The following EAF2 variants were observed in gnomAD, a reference collection of about 807,000 sequenced individuals.
EAF2 encodes the protein ELL-associated factor 2.
Under a neutral mutation model 29.4 loss-of-function variants are expected in EAF2, and 29 were observed. The observed-to-expected ratio is 0.99, with a 90% CI of 0.73 to 1.35. The LOEUF (loss-of-function observed/expected upper bound fraction) is 1.35. Among genes scored for constraint, EAF2 ranks in the 40% most tolerant of loss-of-function variants. The pLI is 0.00. For missense variants in EAF2, 292 were observed against 312.0 expected (o/e 0.94, Z 0.48); for synonymous variants, 103 against 102.5 (o/e 1.00, Z -0.03).
In EAF2 at chr3:121,845,459, A is replaced by AAAAAAAAG. The variant is rs71133578; in HGVS notation, c.201+915_201+916insAAAAGAAA. 3.0e-3 allele frequency among the ~76,000 whole-genome samples: 285 copies of AAAAAAAAG among 96,486 alleles called. 4 individuals are homozygous for AAAAAAAAG. The highest frequency in any genetic ancestry group is 6.4e-3 in the Middle Eastern group (1 of 156). 63.3% of individuals were successfully genotyped at this position (96,486 alleles called of 152,430 possible). ...ACATCTCAAAAAAAAAAAAAAAAAA[A>AAAAAAAAG]AAAGAAAGAAAGAAAAAGAAAAAGA... On this transcript the variant is annotated intron_variant, in intron 2 of 5. Transcript: ENST00000273668.
intron 4 of EAF2, among the ~76,000 whole-genome samples, chr3:121,860,084 T>C (rs891878038): frequency 5.3e-5 from 8 of 152,238 alleles, no homozygotes; most frequent in Admixed American, 2.0e-4. Flanking sequence ...CAGTATTTTA[T>C]TGAGGATTTT....
chr3:121,873,033 C>T (rs760991436), intron 5 of EAF2: 3 of 726,378 alleles, frequency 4.1e-6, no homozygotes, highest in Admixed American at 2.0e-5. Context: ...TGATCCTCTG[C>T]TCAGTCATTA....
Position 121,872,599 on chromosome 3 carries a change from A to G in EAF2, c.547A>G (p.Lys183Glu), listed in dbSNP as rs753587719. ...MSSCDSSSDS[K>E]SSSSSSSEDS... is the part of the protein sequence containing the mutation. The stretch of plus-strand genomic sequence containing the variant: ...TAGTTGTGATAGTTCATCAGATTCC[A>G]AAAGTTCATCATCTTCAAGTAGTGA... Residue 183 changes from lysine (K) to glutamate (E), a missense_variant, in exon 5 of 6, where the codon AAA becomes GAA. Transcript: ENST00000273668. 3 of 1,612,868 alleles carry G rather than the reference A, an allele frequency of 1.9e-6. No homozygotes were observed. Among genetic ancestry groups the G allele is most frequent in the Non-Finnish European group, 1.7e-6 (2 of 1,179,130 alleles).
At chr3:121,844,612 T>C in intron 2 of EAF2, 65 bp downstream of exon 2, 1 of 1,093,858 alleles carries the variant, frequency 9.1e-7, no homozygotes, top group Non-Finnish European at 1.3e-6. Context: ...TAAATGAAAA[T>C]AATTGCACAA....
chr3:121,855,599 C>G (rs1057299757), intron 3 of EAF2, among the ~76,000 whole-genome samples: 4 of 152,126 alleles, frequency 2.6e-5, no homozygotes, highest in African/African-American at 9.7e-5. Flanking sequence ...GTGATTCACA[C>G]CAGAAGAAAG....
Position 121,872,600 on chromosome 3 carries a change from A to G in EAF2, c.548A>G (p.Lys183Arg). 6.2e-7 allele frequency: 1 copy of G among 1,612,862 alleles called. No homozygotes were observed. The highest frequency in any genetic ancestry group is 8.5e-7 in the Non-Finnish European group (1 of 1,179,122). Residue 183 changes from lysine to arginine, a missense_variant, in exon 5 of 6, where the codon AAA becomes AGA. Lys to Arg is a conservative substitution (Grantham distance 26). Transcript: ENST00000273668. ...MSSCDSSSDS[K>R]SSSSSSSEDS... ...AGTTGTGATAGTTCATCAGATTCCA[A>G]AAGTTCATCATCTTCAAGTAGTGAG... is the stretch of plus-strand genomic sequence containing the variant.
rs748754187 is a variant in EAF2 at position 121,844,434 on chromosome 3, T to A, written c.107-19T>A. ...TATCATTACATTTTACAAAAATTGG[T>A]ATTTGTATCTATTTTTAGATGACTT... On this transcript the variant is annotated intron_variant, in intron 1 of 5. Transcript: ENST00000273668. 2.1e-6 allele frequency: 3 copies of A among 1,453,402 alleles called. No individual in the cohort carries two copies. The African/African-American group carries it at 4.2e-5, about 21-fold the overall frequency. 90.0% of individuals were successfully genotyped at this position (1,453,402 alleles called of 1,614,324 possible). A position where few individuals can be genotyped will look rare whatever the true frequency, so the allele number is the denominator to read the frequency against.
intron 1 of EAF2, chr3:121,837,748 G>C (rs545049459): frequency 1.3e-5 from 2 of 152,276 alleles, no homozygotes; most frequent in South Asian, 4.1e-4. Flanking sequence ...GCATTTATCA[G>C]AGTTTAGCAA....
At chr3:121,850,641 C>T (rs17742642) in intron 2 of EAF2, among the ~76,000 whole-genome samples, 5,661 of 152,182 alleles carry the variant, frequency 0.037, 135 homozygotes, top group Non-Finnish European at 0.055. Flanking sequence ...ATCTTCATGT[C>T]AAGAATACTT....
intron 5 of EAF2, among the ~76,000 whole-genome samples, chr3:121,878,293 C>T (rs1412190286): frequency 1.3e-5 from 2 of 151,852 alleles, no homozygotes; most frequent in African/African-American, 2.4e-5. Flanking sequence ...ATACAATATA[C>T]ATATTTATGA....
At chr3:121,847,444 T>C (rs1468410045) in intron 2 of EAF2, among the ~76,000 whole-genome samples, 1 of 152,132 alleles carries the variant, frequency 6.6e-6, no homozygotes, top group Non-Finnish European at 1.5e-5. Context: ...TTGTTAAACA[T>C]TTGAAGAACT....
chr3:121,838,111 G>A (rs1013033431), intron 1 of EAF2, among the ~76,000 whole-genome samples: 1 of 152,112 alleles, frequency 6.6e-6, no homozygotes, highest in African/African-American at 2.4e-5. Flanking sequence ...ATTATGTGAT[G>A]TTACAGTTAA....
At chr3:121,871,566 G>C (rs1392689610) in intron 4 of EAF2, among the ~76,000 whole-genome samples, 1 of 151,964 alleles carries the variant, frequency 6.6e-6, no homozygotes, top group South Asian at 2.1e-4. Flanking sequence ...CAGCTAGTAC[G>C]AAGAACATAG....
chr3:121,842,200 T>A (rs1920323), intron 1 of EAF2, among the ~76,000 whole-genome samples: 97,791 of 151,796 alleles, frequency 0.64, 31,966 homozygotes, highest in African/African-American at 0.71. Context: ...TAATAATAAT[T>A]AATAAAGTTG....
chr3:121,844,618 C>T (rs1429147030), intron 2 of EAF2, 71 bp downstream of exon 2: 6 of 1,049,132 alleles, frequency 5.7e-6, no homozygotes, highest in Non-Finnish European at 8.5e-6. Context: ...AAAATAATTG[C>T]ACAATTTGTG....
At chr3:121,842,452 G>C (rs1269760101) in intron 1 of EAF2, among the ~76,000 whole-genome samples, 1 of 151,990 alleles carries the variant, frequency 6.6e-6, no homozygotes, top group East Asian at 1.9e-4. Flanking sequence ...TTCTAACTGG[G>C]TTTTGCAGTT....
At position 121,886,468 on chromosome 3, in the gene EAF2, A is replaced by G; in HGVS notation, c.*80A>G. 1.3e-6 allele frequency: 1 copy of G among 772,424 alleles called. No homozygotes were observed. The highest frequency in any genetic ancestry group is 1.9e-6 in the Non-Finnish European group (1 of 529,964). 47.8% of individuals were successfully genotyped at this position (772,424 alleles called of 1,614,324 possible). On this transcript the variant is annotated 3_prime_UTR_variant, in exon 6 of 6. Coordinates refer to ENST00000273668, the MANE Select transcript of EAF2 (RefSeq NM_018456.6). ...TTAACAATAAAAATTCCTAAGACTG[A>G]GGGAAATATGTCTTAACTTTTGATG...
chr3:121,885,712 C>T (rs568430161), intron 5 of EAF2, among the ~76,000 whole-genome samples: 7 of 152,260 alleles, frequency 4.6e-5, no homozygotes, highest in African/African-American at 1.7e-4. Flanking sequence ...ATTTGGATCT[C>T]TGTTCAAATG....
chr3:121,852,658 A>T (rs1708652693), intron 2 of EAF2, among the ~76,000 whole-genome samples: 1 of 152,112 alleles, frequency 6.6e-6, no homozygotes, highest in Non-Finnish European at 1.5e-5. Flanking sequence ...AATTTATCTT[A>T]TACTCCTCCT....
Sources: gnomAD v4.1 joint callset for allele counts (sites outside exome capture counted in the v4.1 genomes callset) on GRCh38, gnomAD v4.1.1 for gene constraint, MANE v1.5 for transcripts, NCBI Gene and HGNC (gene_info 2026-07-23, HGNC 2026-07-21) for gene names.